Variants in WWOX observed in about 807,000 individuals in gnomAD.
WWOX encodes WW domain-containing oxidoreductase.
WWOX carries 69 observed loss-of-function variants against 46.2 expected under a neutral mutation model. The ratio of observed to expected loss-of-function variants is 1.49; its 90% CI spans 1.23 to 1.82. WWOX has a LOEUF of 1.82. WWOX is among the 40% of genes most tolerant of loss of function. The pLI is 0.00. For missense variants in WWOX, 919 were observed against 542.6 expected (o/e 1.69, Z -6.89); for synonymous variants, 359 against 202.6 (o/e 1.77, Z -6.56).
rs528027179 is a variant in WWOX, at chr16:78,902,982, G to C, written c.1057-308626G>C. On this transcript the variant is annotated intron_variant, in intron 8 of 8. Coordinates refer to ENST00000566780, the MANE Select transcript of WWOX (RefSeq NM_016373.4). ...TCCTGGATGAGTCCTTTTGTTACCA[G>C]CGGAGGGTGTCCGGGTTCTTGGCAT... Among the ~76,000 whole-genome samples, 4 of 152,332 alleles carry C rather than the reference G, an allele frequency of 2.6e-5. No individual in the cohort carries two copies. The East Asian group carries it at 7.7e-4, about 29-fold the overall frequency.
At chr16:78,406,219 A>G (rs2151946626) in intron 6 of WWOX, among the ~76,000 whole-genome samples, 1 of 148,834 alleles carries the variant, frequency 6.7e-6, no homozygotes, top group Non-Finnish European at 1.5e-5. Context: ...ACCAATTTTA[A>G]GAAATCCTTT....
chr16:79,134,937 A>C (rs1256893383), intron 8 of WWOX, among the ~76,000 whole-genome samples: 1 of 152,234 alleles, frequency 6.6e-6, no homozygotes, highest in East Asian at 1.9e-4. Flanking sequence ...ATGAGTTCCA[A>C]ACAGGGTATG....
In WWOX at chr16:78,955,983, A is replaced by T. The variant is rs543778047; in HGVS notation, c.1057-255625A>T. Among the ~76,000 whole-genome samples, 3 of 150,962 alleles carry T rather than the reference A, an allele frequency of 2.0e-5. No homozygotes were observed. The East Asian group carries it at 5.8e-4, about 29-fold the overall frequency. ...TTTTCACTTTAGAAAAAAACAAAAA[A>T]CAAAAAACAAAAAAAAACACAAAAA... On this transcript the variant is annotated intron_variant, in intron 8 of 8. Transcript: ENST00000566780.
At chr16:78,286,301 G>T (rs1227435243) in intron 5 of WWOX, among the ~76,000 whole-genome samples, 1 of 152,224 alleles carries the variant, frequency 6.6e-6, no homozygotes, top group East Asian at 1.9e-4. Flanking sequence ...TGGTTGCCCA[G>T]TGGGCGAAAA....
At chr16:78,835,580 C>T (rs895131143) in intron 8 of WWOX, among the ~76,000 whole-genome samples, 13 of 152,144 alleles carry the variant, frequency 8.5e-5, no homozygotes, top group East Asian at 1.9e-4. Context: ...TGATATCAGA[C>T]CTTATAGCAG....
intron 8 of WWOX, among the ~76,000 whole-genome samples, chr16:79,150,786 CGT>C (rs2050263586): frequency 6.6e-6 from 1 of 152,080 alleles, no homozygotes; most frequent in Admixed American, 6.6e-5. Flanking sequence ...GGACTACAGG[CGT>C]GTGTCACTGC....
intron 5 of WWOX, among the ~76,000 whole-genome samples, chr16:78,378,874 G>C (rs930675642): frequency 2.0e-5 from 3 of 152,142 alleles, no homozygotes; most frequent in Admixed American, 2.0e-4. Context: ...ATATAAAACA[G>C]ACACAAATAA....
intron 8 of WWOX, among the ~76,000 whole-genome samples, chr16:79,209,339 C>G (rs568915802): frequency 1.3e-5 from 2 of 152,152 alleles, no homozygotes; most frequent in Admixed American, 1.3e-4. Flanking sequence ...AAGAGTGCAA[C>G]GTGGTATCAT....
At chr16:78,857,552 A>C (rs2052595310) in intron 8 of WWOX, among the ~76,000 whole-genome samples, 1 of 152,132 alleles carries the variant, frequency 6.6e-6, no homozygotes, top group South Asian at 2.1e-4. Context: ...TCACCCATCT[A>C]CCCAAGCTGA....
At chr16:78,458,241 AT>A (rs1313056792) in intron 8 of WWOX, among the ~76,000 whole-genome samples, 1 of 141,976 alleles carries the variant, frequency 7.0e-6, no homozygotes, top group African/African-American at 2.6e-5. Flanking sequence ...CAATTAATTA[AT>A]TGTTTCATTG....
chr16:78,857,847 C>T (rs2052602545), intron 8 of WWOX, among the ~76,000 whole-genome samples: 1 of 152,152 alleles, frequency 6.6e-6, no homozygotes. Context: ...AACAAGTTGG[C>T]ATTTTTGACC....
chr16:79,042,394 G>A (rs1033937166), intron 8 of WWOX, among the ~76,000 whole-genome samples: 3 of 152,132 alleles, frequency 2.0e-5, no homozygotes, highest in Non-Finnish European at 4.4e-5. Context: ...CCTGATCAAT[G>A]TATATCATTT....
In WWOX at chr16:79,211,735, G is replaced by C. The variant is rs373148311; in HGVS notation, c.1184G>C (p.Arg395Pro). The C allele has an allele frequency of 1.9e-6, 3 of 1,614,184 alleles. No homozygotes were observed. Among genetic ancestry groups the C allele is most frequent in the South Asian group, 2.2e-5 (2 of 91,078 alleles). Residue 395 changes from arginine (R) to proline (P), a missense_variant, in exon 9 of 9, where the codon CGG becomes CCG. Arg to Pro is a moderately radical substitution (Grantham distance 103, BLOSUM62 -2). Coordinates refer to ENST00000566780, the MANE Select transcript of WWOX (RefSeq NM_016373.4). The stretch of plus-strand genomic sequence containing the variant: ...GAAGCTCAGAGCGAAGAGACGGCCC[G>C]GACCCTGTGGGCGCTCAGCGAGAGG... ...SPEAQSEETA[R>P]TLWALSERLI... is the part of the protein sequence containing the mutation.
intron 8 of WWOX, among the ~76,000 whole-genome samples, chr16:78,852,473 C>T (rs1485430665): frequency 6.6e-6 from 1 of 152,148 alleles, no homozygotes; most frequent in Non-Finnish European, 1.5e-5. Flanking sequence ...ACAGTCAGAC[C>T]AGATTGCCAG....
chr16:78,663,939 G>C (rs2047272809), intron 8 of WWOX, among the ~76,000 whole-genome samples: 1 of 152,162 alleles, frequency 6.6e-6, no homozygotes, highest in Admixed American at 6.5e-5. Flanking sequence ...TATCAAGAGG[G>C]GGGCCAACCA....
chr16:78,902,614 C>T (rs943599437), intron 8 of WWOX, among the ~76,000 whole-genome samples: 17 of 152,224 alleles, frequency 1.1e-4, no homozygotes, highest in Admixed American at 2.6e-4. Context: ...TTCTCTTCTG[C>T]TCTCTTTGGC....
At chr16:78,869,519 A>G (rs1273120205) in intron 8 of WWOX, among the ~76,000 whole-genome samples, 1 of 152,236 alleles carries the variant, frequency 6.6e-6, no homozygotes, top group Non-Finnish European at 1.5e-5. Flanking sequence ...GATGTAAAAT[A>G]GGATTCATTT....
At chr16:78,850,187 GA>G (rs565947757) in intron 8 of WWOX, among the ~76,000 whole-genome samples, 21 of 151,958 alleles carry the variant, frequency 1.4e-4, no homozygotes, top group Non-Finnish European at 2.6e-4. Flanking sequence ...AAATACCAAA[GA>G]GAAAACAATA....
At chr16:78,513,461 A>G (rs1238962184) in intron 8 of WWOX, among the ~76,000 whole-genome samples, 1 of 152,164 alleles carries the variant, frequency 6.6e-6, no homozygotes, top group African/African-American at 2.4e-5. Flanking sequence ...GACTCCTTCA[A>G]TGGGTAGAGT....
Sources: allele counts gnomAD v4.1 joint callset (sites outside exome capture counted in the v4.1 genomes callset), GRCh38; gene constraint gnomAD v4.1.1; transcripts MANE v1.5; gene names NCBI Gene and HGNC (gene_info 2026-07-23, HGNC 2026-07-21).